The following LHFPL1 variants were observed in gnomAD, a reference collection of about 807,000 sequenced individuals.
LHFPL1 encodes LHFPL tetraspan subfamily member 1 protein.
In LHFPL1, 4 loss-of-function variants were observed where a neutral mutation model predicts 12.1. That is an observed-to-expected ratio of 0.33 (90% CI 0.16 to 0.76). The LOEUF (loss-of-function observed/expected upper bound fraction) is 0.76, where lower values mean the gene tolerates loss of function less well. LHFPL1 is among the 30% of genes least tolerant of loss of function. LHFPL1 has a pLI of 0.61. For synonymous variants in LHFPL1, 52 were observed against 61.9 expected, an observed-to-expected ratio of 0.84 and a Z score of 0.75; for missense variants, 141 against 174.1, an observed-to-expected ratio of 0.81 and a Z score of 1.07.
At chrX:112,671,573 T>C in intron 1 of LHFPL1, 169 bp from the exon 2 acceptor site, 1 of 1,070,701 alleles carries the variant, frequency 9.3e-7, no homozygotes, top group Non-Finnish European at 1.2e-6. Context: ...TTTGGATCCC[T>C]GTGGGATTTT....
In LHFPL1 at chrX:112,658,520, A is replaced by T. The variant is rs1158120511; in HGVS notation, c.481+2107T>A. Among the ~76,000 whole-genome samples, 4 of 111,919 alleles carry T rather than the reference A, an allele frequency of 3.6e-5. No homozygotes were observed. The East Asian group carries it at 1.1e-3, about 31-fold the overall frequency. On this transcript the variant is annotated intron_variant, in intron 3 of 3. Coordinates refer to ENST00000371968, the MANE Select transcript of LHFPL1 (RefSeq NM_178175.4). ...AAAGGAGATGTAAAAACAGCCAATA[A>T]GTACACAAAAAGATGTTCGAAATCA...
intron 3 of LHFPL1, among the ~76,000 whole-genome samples, chrX:112,634,941 G>T (rs938950061): frequency 0.11 from 3 of 28 alleles, no homozygotes; most frequent in African/African-American, 0.17. Context: ...AGGAAAAAAA[G>T]AGATTATATT....
At chrX:112,658,703 A>G (rs1931086375) in intron 3 of LHFPL1, among the ~76,000 whole-genome samples, 1 of 111,556 alleles carries the variant, frequency 9.0e-6, no homozygotes, top group Non-Finnish European at 1.9e-5. Context: ...TGATGCAGTC[A>G]TTCTGGAAAG....
chrX:112,646,533 A>G (rs1001801528), intron 3 of LHFPL1, among the ~76,000 whole-genome samples: 1 of 110,728 alleles, frequency 9.0e-6, no homozygotes, highest in Non-Finnish European at 1.9e-5. Flanking sequence ...GTGGAACACA[A>G]AAATTTTTGT....
At chrX:112,640,179 G>C (rs889254252) in intron 3 of LHFPL1, among the ~76,000 whole-genome samples, 1 of 111,438 alleles carries the variant, frequency 9.0e-6, no homozygotes. Context: ...CAAACTAGAT[G>C]AGTGAAAGGG....
rs56751215 is a variant in LHFPL1, at chrX:112,649,968, A to C, written c.481+10659T>G. ...TCATGTGTGGAACAAATAAACATCT[A>C]GTTTTTTGTGAAAAAAAAAAAAGTA... On this transcript the variant is annotated intron_variant, in intron 3 of 3. Coordinates refer to ENST00000371968, the MANE Select transcript of LHFPL1 (RefSeq NM_178175.4). 9.8e-3 allele frequency among the ~76,000 whole-genome samples: 907 copies of C among 92,768 alleles called. 5 individuals carry two copies. The highest frequency in any genetic ancestry group is 0.041 in the African/African-American group (869 of 21,101). The allele number at this position is 92,768 out of a possible 115,157, so 80.6% of individuals were successfully genotyped here.
intron 1 of LHFPL1, among the ~76,000 whole-genome samples, chrX:112,679,411 T>TTTAGGCA (rs1211661088): frequency 8.9e-5 from 10 of 111,770 alleles, no homozygotes; most frequent in African/African-American, 2.6e-4. Context: ...ACCCCTTAGA[T>TTTAGGCA]TTAGGCAAAT....
intron 3 of LHFPL1, among the ~76,000 whole-genome samples, chrX:112,646,077 G>A (rs952616247): frequency 1.8e-5 from 2 of 111,278 alleles, no homozygotes; most frequent in African/African-American, 3.3e-5. Flanking sequence ...GCAGGTTCCC[G>A]GTTAATGTTT....
chrX:112,652,479 G>A (rs920491529), intron 3 of LHFPL1, among the ~76,000 whole-genome samples: 2 of 111,687 alleles, frequency 1.8e-5, no homozygotes, highest in South Asian at 3.7e-4. Context: ...ATTCTAATAA[G>A]GAACACAGGT....
At chrX:112,665,207 T>C (rs1006505702) in intron 2 of LHFPL1, among the ~76,000 whole-genome samples, 1 of 108,678 alleles carries the variant, frequency 9.2e-6, no homozygotes, top group African/African-American at 3.4e-5. Context: ...TTCCTTTTTT[T>C]TGAGTCGGAG....
At chrX:112,642,362 A>T (rs1252556052) in intron 3 of LHFPL1, among the ~76,000 whole-genome samples, 8 of 101,685 alleles carry the variant, frequency 7.9e-5, no homozygotes, top group Non-Finnish European at 1.4e-4. Flanking sequence ...AATATTAAAA[A>T]AAATAAATAA....
chrX:112,648,522 A>T (rs1318531089), intron 3 of LHFPL1: 3 of 103,046 alleles, frequency 2.9e-5, no homozygotes, highest in Non-Finnish European at 6.3e-5. Context: ...AGAATCAGCT[A>T]AAAAAAATCT....
At position 112,671,335 on chromosome X, in the gene LHFPL1, G is replaced by T; in HGVS notation, c.56C>A (p.Thr19Asn). 1 of 1,211,953 alleles carries T rather than the reference G, an allele frequency of 8.3e-7. No individual in the cohort carries two copies. ...GTAACTGGTAGAACTGGTCACAGCA[G>T]TAACAAGGGACAGGAAGGCCCAGAG... ...GTLWAFLSLV[T>N]AVTSSTSYFL... is the part of the protein sequence containing the mutation. Residue 19 changes from threonine to asparagine, a missense_variant, in exon 2 of 4, where the codon ACT becomes AAT. By Grantham distance (65) the Thr-to-Asn change is moderately conservative (BLOSUM62 0). Transcript: ENST00000371968.
At chrX:112,665,260 C>T (rs781528152) in intron 2 of LHFPL1, among the ~76,000 whole-genome samples, 1 of 108,763 alleles carries the variant, frequency 9.2e-6, no homozygotes. Flanking sequence ...GCACGATCTC[C>T]GCTCACTGCA....
At chrX:112,660,553 C>T in intron 3 of LHFPL1, 74 bp downstream of exon 3, 1 of 807,757 alleles carries the variant, frequency 1.2e-6, no homozygotes. Context: ...AGCAGAGTGC[C>T]CTCCAAGTGG....
intron 3 of LHFPL1, among the ~76,000 whole-genome samples, chrX:112,653,242 C>T (rs748003458): frequency 1.9e-4 from 21 of 111,522 alleles, no homozygotes; most frequent in East Asian, 2.8e-4. Context: ...ATTATTATTA[C>T]GTAATGATCA....
At chrX:112,649,010 C>A (rs1181551652) in intron 3 of LHFPL1, among the ~76,000 whole-genome samples, 1 of 111,863 alleles carries the variant, frequency 8.9e-6, no homozygotes, top group Non-Finnish European at 1.9e-5. Flanking sequence ...TTTTCTTAAG[C>A]TAATTTAATA....
intron 3 of LHFPL1, among the ~76,000 whole-genome samples, chrX:112,647,121 C>T (rs930615909): frequency 8.9e-6 from 1 of 111,869 alleles, no homozygotes; most frequent in South Asian, 3.7e-4. Context: ...ATGGACAATA[C>T]AGACATTACC....
At chrX:112,635,851 T>A (rs2078161872) in intron 3 of LHFPL1, among the ~76,000 whole-genome samples, 1 of 101,604 alleles carries the variant, frequency 9.8e-6, no homozygotes, top group African/African-American at 4.3e-5. Context: ...CATTCAGAGC[T>A]GTTTCCAAAA....
Sources: allele counts gnomAD v4.1 joint callset (sites outside exome capture counted in the v4.1 genomes callset), GRCh38; gene constraint gnomAD v4.1.1; transcripts MANE v1.5; gene names NCBI Gene and HGNC (gene_info 2026-07-23, HGNC 2026-07-21).